Variants in GRIN3A observed in about 807,000 individuals in gnomAD.
The protein encoded by GRIN3A is glutamate ionotropic receptor NMDA type subunit 3A, also known as glutamate receptor ionotropic, NMDA 3A.
Under a neutral mutation model 92.4 loss-of-function variants are expected in GRIN3A, and 47 were observed. That is an observed-to-expected ratio of 0.51 (90% CI 0.40 to 0.65). GRIN3A has a LOEUF of 0.65. Among genes scored for constraint, GRIN3A ranks in the 30% least tolerant of loss-of-function variants. The pLI, the probability that GRIN3A is intolerant of heterozygous loss-of-function variation, is 0.00. For missense variants in GRIN3A, 1,324 were observed against 1,393.1 expected, an observed-to-expected ratio of 0.95 and a Z score of 0.79; for synonymous variants, 527 against 540.6, an observed-to-expected ratio of 0.97 and a Z score of 0.35.
chr9:101,618,832 T>C (rs940700660), intron 5 of GRIN3A, among the ~76,000 whole-genome samples: 7 of 152,248 alleles, frequency 4.6e-5, no homozygotes, highest in Non-Finnish European at 1.0e-4. Flanking sequence ...AGAATTCTCA[T>C]TTTTAAATTG....
intron 1 of GRIN3A, among the ~76,000 whole-genome samples, chr9:101,729,755 C>A (rs968401542): frequency 6.6e-6 from 1 of 152,148 alleles, no homozygotes; most frequent in Non-Finnish European, 1.5e-5. Flanking sequence ...TTCATAAGCT[C>A]ATATCTGTTG....
At chr9:101,627,705 G>A (rs1421571721) in intron 4 of GRIN3A, among the ~76,000 whole-genome samples, 3 of 152,266 alleles carry the variant, frequency 2.0e-5, no homozygotes, top group Non-Finnish European at 4.4e-5. Flanking sequence ...AATCTGCCAT[G>A]GCAGTGTGAT....
intron 1 of GRIN3A, among the ~76,000 whole-genome samples, chr9:101,702,873 A>C (rs981853111): frequency 6.6e-6 from 1 of 152,190 alleles, no homozygotes; most frequent in African/African-American, 2.4e-5. Context: ...CCAAAAACGA[A>C]GAAATCAGCT....
At chr9:101,591,810 C>A (rs1564120551) in intron 6 of GRIN3A, 2 of 152,196 alleles carry the variant, frequency 1.3e-5, no homozygotes, top group Non-Finnish European at 2.9e-5. Context: ...GTCATTGCCA[C>A]AAAGCCTTAG....
chr9:101,687,348 A>G (rs1242246696), intron 1 of GRIN3A, 148 bp from the exon 2 acceptor site: 3 of 795,838 alleles, frequency 3.8e-6, no homozygotes, highest in South Asian at 1.7e-5. Context: ...TTGGAAAACT[A>G]TGCTTCCTGT....
Position 101,670,184 on chromosome 9 carries a change from C to T in GRIN3A, c.2228G>A (p.Arg743Lys), listed in dbSNP as rs201481987. The change falls in exon 3 of 9, where the codon AGG becomes AAG. Residue 743 changes from arginine (R) to lysine (K), a missense_variant. Physicochemically the swap from Arg to Lys is conservative, Grantham distance 26. Transcript: ENST00000361820. ...AIKPPKCWTG[R>K]FLMNLWAIFC... ...AATGGCCCAAAGGTTCATTAGAAAC[C>T]TTCCAGTCCAACATTTTGGAGGTTT... The T allele has an allele frequency of 3.9e-5, 63 of 1,613,798 alleles. No homozygotes were observed. The highest frequency in any genetic ancestry group is 5.0e-5 in the Non-Finnish European group (59 of 1,179,880).
Position 101,737,825 on chromosome 9 carries a change from G to C in GRIN3A, c.155C>G (p.Ala52Gly). ...GGTGGTCCAGGGCTGCAAGTGCACC[G>C]CGCCCACCCTCACCGCGTGCCCGAT... ...KRIGHAVRVG[A>G]VHLQPWTTAP... The change falls in exon 1 of 9, where the codon GCG becomes GGG. Residue 52 changes from alanine to glycine, a missense_variant. Transcript: ENST00000361820. The C allele has an allele frequency of 6.5e-7, 1 of 1,532,400 alleles. No homozygotes were observed. The highest frequency in any genetic ancestry group is 2.5e-5 in the East Asian group (1 of 40,784). 94.9% of individuals were successfully genotyped at this position (1,532,400 alleles called of 1,614,324 possible). A position where few individuals can be genotyped will look rare whatever the true frequency, so the allele number is the denominator to read the frequency against.
At chr9:101,632,618 T>C (rs562807504) in intron 3 of GRIN3A, among the ~76,000 whole-genome samples, 1 of 152,342 alleles carries the variant, frequency 6.6e-6, no homozygotes, top group South Asian at 2.1e-4. Flanking sequence ...TTTGTTACTT[T>C]AATTCATTCA....
intron 3 of GRIN3A, among the ~76,000 whole-genome samples, chr9:101,644,795 G>T (rs1828914895): frequency 6.6e-6 from 1 of 151,640 alleles, no homozygotes; most frequent in Non-Finnish European, 1.5e-5. Context: ...GAGTATTTTT[G>T]AGTTCATCTC....
At chr9:101,701,963 AT>A (rs11358820) in intron 1 of GRIN3A, among the ~76,000 whole-genome samples, 137,643 of 150,978 alleles carry the variant, frequency 0.91, 63,017 homozygotes, top group Middle Eastern at 0.97. Context: ...TTCCATACAG[AT>A]TTTTTTTTTT....
At chr9:101,655,390 A>G (rs1180812860) in intron 3 of GRIN3A, among the ~76,000 whole-genome samples, 1 of 151,942 alleles carries the variant, frequency 6.6e-6, no homozygotes, top group Non-Finnish European at 1.5e-5. Context: ...CCATCTAAAA[A>G]CTTATGGTAA....
chr9:101,712,500 G>A (rs7030816), intron 1 of GRIN3A, among the ~76,000 whole-genome samples: 17,985 of 152,142 alleles, frequency 0.12, 2,132 homozygotes, highest in African/African-American at 0.3. Context: ...TGGTGGGAAA[G>A]CCTGGATGGA....
At chr9:101,607,172 G>A (rs1379292859) in intron 6 of GRIN3A, among the ~76,000 whole-genome samples, 1 of 151,250 alleles carries the variant, frequency 6.6e-6, no homozygotes, top group Admixed American at 6.6e-5. Context: ...AAAAAAAAGT[G>A]AGTTTATCTT....
chr9:101,703,651 G>A (rs886693914), intron 1 of GRIN3A, among the ~76,000 whole-genome samples: 5 of 152,144 alleles, frequency 3.3e-5, no homozygotes, highest in African/African-American at 1.2e-4. Context: ...GCATTTGGTG[G>A]CTGACTTACT....
intron 1 of GRIN3A, among the ~76,000 whole-genome samples, chr9:101,719,413 CA>C (rs1462629615): frequency 9.0e-6 from 1 of 110,822 alleles, no homozygotes; most frequent in Non-Finnish European, 2.1e-5. Context: ...TGTGAGACTC[CA>C]TCTTAAAAAA....
chr9:101,699,353 C>CCTGA (rs1322226715), intron 1 of GRIN3A, among the ~76,000 whole-genome samples: 3 of 151,808 alleles, frequency 2.0e-5, no homozygotes, highest in Non-Finnish European at 4.4e-5. Flanking sequence ...GAAGGACCTG[C>CCTGA]CTGAGGTTGT....
In GRIN3A at chr9:101,569,836, A is replaced by C. The variant is rs1827735559; in HGVS notation, c.*3338T>G. The C allele has an allele frequency of 6.6e-6, 1 of 152,196 alleles. No homozygotes were observed. The highest frequency in any genetic ancestry group is 1.5e-5 in the Non-Finnish European group (1 of 68,044). The allele number at this position is 152,196 out of a possible 1,614,324, so 9.4% of individuals were successfully genotyped here. ...TCCCCTTTATTCTTTACCCACACCA[A>C]GGAAGTGCTTAACTTGCTCTAAGGC... On this transcript the variant is annotated 3_prime_UTR_variant, in exon 9 of 9. Transcript: ENST00000361820.
chr9:101,736,472 T>A (rs2119051476), intron 1 of GRIN3A, among the ~76,000 whole-genome samples: 1 of 152,292 alleles, frequency 6.6e-6, no homozygotes, highest in South Asian at 2.1e-4. Flanking sequence ...TTTTAATCAA[T>A]AAGAAACTAA....
chr9:101,581,087 T>C (rs1231253613), intron 6 of GRIN3A, among the ~76,000 whole-genome samples: 2 of 152,192 alleles, frequency 1.3e-5, no homozygotes, highest in African/African-American at 2.4e-5. Flanking sequence ...GGGATAGAGA[T>C]AGAAGGAAGT....
Sources: allele counts gnomAD v4.1 joint callset (sites outside exome capture counted in the v4.1 genomes callset), GRCh38; gene constraint gnomAD v4.1.1; transcripts MANE v1.5; gene names NCBI Gene and HGNC (gene_info 2026-07-23, HGNC 2026-07-21).